ZFHX4: variants seen among roughly 807,000 people sequenced by gnomAD.
ZFHX4 encodes the protein zinc finger homeobox protein 4.
In ZFHX4, 56 loss-of-function variants were observed where a neutral mutation model predicts 267.6. The ratio of observed to expected loss-of-function variants is 0.21; its 90% confidence interval spans 0.17 to 0.26. The LOEUF (loss-of-function observed/expected upper bound fraction) is 0.26. Ranked by LOEUF, ZFHX4 falls within the 10% of genes least tolerant of loss-of-function variation. The probability of loss-of-function intolerance (pLI) is 1.00; values close to 1 mark genes in which losing one functional copy is unlikely to be tolerated. For missense variants in ZFHX4, 4,332 were observed against 4,420.0 expected (o/e 0.98, Z 0.56); for synonymous variants, 1,778 against 1,665.6 (o/e 1.07, Z -1.64).
intron 5 of ZFHX4, among the ~76,000 whole-genome samples, chr8:76,836,256 G>A (rs1812090589): frequency 6.6e-6 from 1 of 152,198 alleles, no homozygotes; most frequent in Non-Finnish European, 1.5e-5. Flanking sequence ...GGTTCTCAAA[G>A]TGTGGTCCCC....
chr8:76,683,552 C>G (rs1231816445), intron 1 of ZFHX4, among the ~76,000 whole-genome samples: 1 of 151,830 alleles, frequency 6.6e-6, no homozygotes, highest in South Asian at 2.1e-4. Context: ...GAGTCTCCCC[C>G]CCACCCTTTT....
At position 76,746,611 on chromosome 8, in the gene ZFHX4, T is replaced by A. The variant is rs547144036; in HGVS notation, c.3094-31597T>A. Among the ~76,000 whole-genome samples the A allele has an allele frequency of 5.3e-5, 8 of 152,250 alleles. No homozygotes were observed. The South Asian group carries it at 1.7e-3, about 32-fold the overall frequency. ...TATTTTGAATAAGACACTCTTGGTA[T>A]TTTTTTCTCTGTTCAGATTGTGTAA... On this transcript the variant is annotated intron_variant, in intron 3 of 10. Coordinates refer to ENST00000651372, the MANE Select transcript of ZFHX4 (RefSeq NM_024721.5).
Position 76,856,281 on chromosome 8 carries a change from A to T in ZFHX4, c.9360A>T (p.Gly3120=). 2 of 1,613,838 alleles carry T rather than the reference A, an allele frequency of 1.2e-6. No individual in the cohort carries two copies. Among genetic ancestry groups the T allele is most frequent in the Non-Finnish European group, 1.7e-6 (2 of 1,179,844 alleles). The change falls in exon 10 of 11, where the codon GGA becomes GGT. Residue 3120 remains glycine (G), a synonymous_variant. Coordinates refer to ENST00000651372, the MANE Select transcript of ZFHX4 (RefSeq NM_024721.5). The part of the protein sequence containing the change: ...PGMNGPSSLP[G]FPQNSNTLTP... The stretch of plus-strand genomic sequence containing the variant: ...TGAACGGTCCATCCTCCTTGCCGGG[A>T]TTTCCACAAAATTCAAACAGTAAGT...
chr8:76,724,617 C>T (rs1808805766), intron 3 of ZFHX4, among the ~76,000 whole-genome samples: 1 of 152,094 alleles, frequency 6.6e-6, no homozygotes, highest in African/African-American at 2.4e-5. Flanking sequence ...GCCAAGAAAT[C>T]ATATTCTGAG....
chr8:76,855,468 A>C lies in ZFHX4; in HGVS notation c.8547A>C (p.Pro2849=), dbSNP rs1812689987. The change falls in exon 10 of 11, where the codon CCA becomes CCC. Residue 2849 remains proline (P), a synonymous_variant. Transcript: ENST00000651372. The part of the protein sequence containing the change: ...PKEPKTLDTL[P]KPATTPTTEV... ...AGCCAAAAACTCTGGATACTCTGCC[A>C]AAACCTGCAACCACACCTACCACGG... 2 of 1,613,586 alleles carry C rather than the reference A, an allele frequency of 1.2e-6. No homozygotes were observed. The highest frequency in any genetic ancestry group is 1.3e-5 in the African/African-American group (1 of 74,888).
At position 76,705,587 on chromosome 8, in the gene ZFHX4, T is replaced by G. The variant is rs1808236718; in HGVS notation, c.1499T>G (p.Phe500Cys). ...ACCGATAGTATTGGTAACAAAGATT[T>G]CCCTCTCTTAAACCAAAGCATTTCT... ...ELTDSIGNKD[F>C]PLLNQSISPL... The change falls in exon 2 of 11, where the codon TTC becomes TGC. Residue 500 changes from phenylalanine to cysteine, a missense_variant. By Grantham distance (205) the Phe-to-Cys change is radical (BLOSUM62 -2). Around this residue, in one of 7 missense-constraint regions of ZFHX4, gnomAD observed 1,195 missense variants for 1,173.6 expected, o/e 1.02. Coordinates refer to ENST00000651372, the MANE Select transcript of ZFHX4 (RefSeq NM_024721.5). 1 of 1,613,728 alleles carries G rather than the reference T, an allele frequency of 6.2e-7. No individual in the cohort carries two copies. Among genetic ancestry groups the G allele is most frequent in the South Asian group, 1.1e-5 (1 of 91,006 alleles).
At chr8:76,821,059 C>G (rs1811636223) in intron 4 of ZFHX4, among the ~76,000 whole-genome samples, 1 of 152,138 alleles carries the variant, frequency 6.6e-6, no homozygotes, top group Non-Finnish European at 1.5e-5. Context: ...GATGATAAGC[C>G]CTAGTCTCAA....
chr8:76,831,592 C>A (rs546850514), intron 4 of ZFHX4, among the ~76,000 whole-genome samples: 41 of 152,242 alleles, frequency 2.7e-4, no homozygotes, highest in Middle Eastern at 3.4e-3. Flanking sequence ...CTTACTCTGT[C>A]CTTACTTGAG....
rs1563562839 is a variant in ZFHX4, at chr8:76,854,033, ATGCAGCTAAAAACGCTGCTGCCCC to A, written c.7119_7142del (p.Lys2374_Ala2381del). 6.2e-7 allele frequency: 1 copy of A among 1,613,924 alleles called. No individual in the cohort carries two copies. The highest frequency in any genetic ancestry group is 8.5e-7 in the Non-Finnish European group (1 of 1,179,870). ...CATTGCACAGTGTCTGGCCAAACGGATGCAGCTAAAAACGCTGCTGCCCCTGCAGCAAGTTCTGGCTCTGGGACC... is the reference window on the plus strand; with the variant it reads ...CATTGCACAGTGTCTGGCCAAACGGATGCAGCAAGTTCTGGCTCTGGGACC... On this transcript the variant is annotated inframe_deletion, in exon 10 of 11. Coordinates refer to ENST00000651372, the MANE Select transcript of ZFHX4 (RefSeq NM_024721.5).
chr8:76,708,199 C>G, intron 3 of ZFHX4, 151 bp downstream of exon 3: 1 of 963,464 alleles, frequency 1.0e-6, no homozygotes, highest in Non-Finnish European at 1.5e-6. Context: ...ATTATAAAAA[C>G]ATATTGAAAT....
chr8:76,814,125 G>T lies in ZFHX4; in HGVS notation c.3326-19213G>T, dbSNP rs978544555. 7.2e-5 allele frequency among the ~76,000 whole-genome samples: 11 copies of T among 152,108 alleles called. 1 individual carries two copies. Among genetic ancestry groups the T allele is most frequent in the Non-Finnish European group, 2.9e-5 (2 of 68,026 alleles). ...CTCACACTGTCACCCAAGCTGGAGT[G>T]CAGTGGTGCAATAATGGCTCACTGC... On this transcript the variant is annotated intron_variant, in intron 4 of 10. Transcript: ENST00000651372.
chr8:76,811,934 A>T (rs1461402115), intron 4 of ZFHX4, among the ~76,000 whole-genome samples: 1 of 152,194 alleles, frequency 6.6e-6, no homozygotes, highest in Non-Finnish European at 1.5e-5. Context: ...CAAAAAAAAT[A>T]AAAAAGTTAT....
At chr8:76,744,260 C>T (rs1009110283) in intron 3 of ZFHX4, among the ~76,000 whole-genome samples, 11 of 152,060 alleles carry the variant, frequency 7.2e-5, no homozygotes, top group East Asian at 2.0e-4. Flanking sequence ...ACAGGAGAAT[C>T]GCTTGAACCC....
At chr8:76,767,745 C>T (rs910489396) in intron 3 of ZFHX4, among the ~76,000 whole-genome samples, 3 of 152,146 alleles carry the variant, frequency 2.0e-5, no homozygotes, top group African/African-American at 7.2e-5. Context: ...CTCAACAAAA[C>T]TTTGTTCCTC....
chr8:76,855,715 T>C lies in ZFHX4; in HGVS notation c.8794T>C (p.Phe2932Leu). 6.2e-7 allele frequency: 1 copy of C among 1,613,888 alleles called. No homozygotes were observed. The highest frequency in any genetic ancestry group is 8.5e-7 in the Non-Finnish European group (1 of 1,179,854). ...KSNDRPGHKRFRTQMSNLQLK... is the reference protein window; with the variant it reads ...KSNDRPGHKRLRTQMSNLQLK... ...TAATGATCGGCCGGGTCACAAGCGT[T>C]TTCGAACGCAAATGAGCAATCTTCA... Residue 2932 changes from phenylalanine to leucine, a missense_variant, in exon 10 of 11, where the codon TTT (phenylalanine) becomes CTT (leucine). Around this residue, in one of 7 missense-constraint regions of ZFHX4, gnomAD observed 1,648 missense variants for 1,625.0 expected, o/e 1.01. Coordinates refer to ENST00000651372, the MANE Select transcript of ZFHX4 (RefSeq NM_024721.5).
At chr8:76,807,466 T>TA (rs1368230913) in intron 4 of ZFHX4, among the ~76,000 whole-genome samples, 6 of 152,080 alleles carry the variant, frequency 3.9e-5, no homozygotes, top group Non-Finnish European at 2.9e-5. Context: ...TGCATGTCAG[T>TA]AAATGAGTAG....
In ZFHX4 at chr8:76,849,126, C is replaced by G. The variant is rs200575092; in HGVS notation, c.3643C>G (p.Gln1215Glu). Residue 1215 changes from glutamine (Q) to glutamate (E), a missense_variant and splice_region_variant, in exon 7 of 11, where the codon CAG (glutamine) becomes GAG (glutamate). Around this residue, in one of 7 missense-constraint regions of ZFHX4, gnomAD observed 1,371 missense variants for 1,423.1 expected, o/e 0.96. Transcript: ENST00000651372. ...AGAGGACAATAAATTCTGTCATGAA[C>G]AGGTAAATACTTTTTTTCCCCTTTA... ...PTEDNKFCHE[Q>E]FYQCPYCNYN... The G allele has an allele frequency of 3.7e-5, 57 of 1,545,930 alleles. No homozygotes were observed. The African/African-American group carries it at 7.1e-4, about 19-fold the overall frequency.
chr8:76,789,410 A>G (rs1338694178), intron 4 of ZFHX4, among the ~76,000 whole-genome samples: 1 of 152,210 alleles, frequency 6.6e-6, no homozygotes, highest in South Asian at 2.1e-4. Flanking sequence ...ATATTTTGTC[A>G]GGAAATAAAT....
In ZFHX4 at chr8:76,863,683, G is replaced by T. The variant is rs549636261; in HGVS notation, c.9969G>T (p.Gln3323His). The T allele has an allele frequency of 5.0e-6, 8 of 1,593,832 alleles. No individual in the cohort carries two copies. In the South Asian group the frequency reaches 7.8e-5, roughly 16 times the overall value. ...TGTTGCAGCAGTACCAACAGTATCA[G>T]CAGAACCTGCAGGAGTCCCTGCAAA... Reference protein sequence around the residue: ...GALLQQYQQYQQNLQESLQKQ... With the variant: ...GALLQQYQQYHQNLQESLQKQ... Residue 3323 changes from glutamine (Q) to histidine (H), a missense_variant, in exon 11 of 11, where the codon CAG becomes CAT. By Grantham distance (24) the Gln-to-His change is conservative. This residue lies in a region of ZFHX4 where 1,648 missense variants were observed against 1,625.0 expected (regional missense o/e 1.01). Coordinates refer to ENST00000651372, the MANE Select transcript of ZFHX4 (RefSeq NM_024721.5).
Sources: gnomAD v4.1 joint callset for allele counts (sites outside exome capture counted in the v4.1 genomes callset) on GRCh38, gnomAD v4.1.1 for gene constraint, gnomAD v4.1.1 regional missense constraint, MANE v1.5 for transcripts, NCBI Gene and HGNC (gene_info 2026-07-23, HGNC 2026-07-21) for gene names.